The following MIPOL1 variants were observed in gnomAD, a reference collection of about 807,000 sequenced individuals.
The protein encoded by MIPOL1 is mirror-image polydactyly gene 1 protein.
MIPOL1 carries 57 observed loss-of-function variants against 60.9 expected under a neutral mutation model. That is an observed-to-expected ratio of 0.94 (90% CI 0.76 to 1.17). The LOEUF is 1.17. MIPOL1 is among the 50% of genes most tolerant of loss of function. The pLI, the probability that MIPOL1 is intolerant of heterozygous loss-of-function variation, is 0.00. For synonymous variants in MIPOL1, 179 were observed against 168.8 expected (o/e 1.06, Z -0.47); for missense variants, 551 against 511.6 (o/e 1.08, Z -0.74).
intron 9 of MIPOL1, among the ~76,000 whole-genome samples, chr14:37,366,335 G>C (rs1224116151): frequency 1.3e-5 from 2 of 151,716 alleles, no homozygotes; most frequent in Non-Finnish European, 1.5e-5. Context: ...GTATCCTGTA[G>C]TCAATGTTGT....
chr14:37,211,581 C>A (rs1966844677), intron 1 of MIPOL1, among the ~76,000 whole-genome samples: 1 of 152,132 alleles, frequency 6.6e-6, no homozygotes, highest in Non-Finnish European at 1.5e-5. Context: ...GCCTTCAAAC[C>A]TTGCCACTGA....
intron 1 of MIPOL1, chr14:37,219,615 G>A (rs1024276484): frequency 2.0e-5 from 3 of 152,208 alleles, no homozygotes; most frequent in Admixed American, 6.5e-5. Context: ...CAGTCCCCCT[G>A]CGTTGGCCTC....
intron 10 of MIPOL1, among the ~76,000 whole-genome samples, chr14:37,415,252 G>A (rs2093744883): frequency 6.6e-6 from 1 of 151,944 alleles, no homozygotes; most frequent in Non-Finnish European, 1.5e-5. Context: ...TAAACTATAT[G>A]AGTTATGTTT....
intron 11 of MIPOL1, among the ~76,000 whole-genome samples, chr14:37,439,908 G>A (rs1054815776): frequency 1.3e-5 from 2 of 151,960 alleles, no homozygotes; most frequent in African/African-American, 4.8e-5. Flanking sequence ...GCTCAGGCTG[G>A]AGTGCAGTGG....
intron 9 of MIPOL1, among the ~76,000 whole-genome samples, chr14:37,318,643 A>C (rs1470208972): frequency 5.4e-5 from 1 of 18,418 alleles, no homozygotes; most frequent in Non-Finnish European, 2.9e-4. Flanking sequence ...AGCAAAAAGA[A>C]GGAAAAAATT....
At chr14:37,435,496 A>C (rs1401325766) in intron 11 of MIPOL1, among the ~76,000 whole-genome samples, 1 of 151,866 alleles carries the variant, frequency 6.6e-6, no homozygotes, top group Admixed American at 6.6e-5. Context: ...ATACTGTATT[A>C]GTGGATTGTC....
chr14:37,356,837 C>G lies in MIPOL1; in HGVS notation c.829-12680C>G, dbSNP rs1445013114. 3.9e-5 allele frequency among the ~76,000 whole-genome samples: 6 copies of G among 152,328 alleles called. No homozygotes were observed. In the East Asian group the frequency reaches 9.7e-4, roughly 25 times the overall value. ...GTCCCTAGTGAGATGAACCCGGTAC[C>G]TCAGATGGAAATGCAGAAATCACTG... On this transcript the variant is annotated intron_variant, in intron 9 of 12. Coordinates refer to ENST00000684589, the MANE Select transcript of MIPOL1 (RefSeq NM_001388067.1).
intron 12 of MIPOL1, chr14:37,523,458 G>GTTTT: frequency 5.7e-6 from 2 of 353,446 alleles, no homozygotes; most frequent in Non-Finnish European, 5.1e-6. Context: ...AAATATTAGA[G>GTTTT]TTTTTTTTTT....
At chr14:37,338,108 ATT>A (rs61425558) in intron 9 of MIPOL1, among the ~76,000 whole-genome samples, 1 of 134,872 alleles carries the variant, frequency 7.4e-6, no homozygotes, top group Admixed American at 7.7e-5. Flanking sequence ...ATTTAATTTA[ATT>A]TTTTTTTTTT....
rs572714440 is a variant in MIPOL1 at position 37,317,133 on chromosome 14, G to T, written c.828+8614G>T. ...TTTCATTTTAACAGATGTATGCAAAGCATTTGGATAGATACAGATGCTGGC... is the reference window on the plus strand; with the variant it reads ...TTTCATTTTAACAGATGTATGCAAATCATTTGGATAGATACAGATGCTGGC... On this transcript the variant is annotated intron_variant, in intron 9 of 12. Transcript: ENST00000684589. 3.7e-4 allele frequency among the ~76,000 whole-genome samples: 57 copies of T among 152,268 alleles called. No individual in the cohort carries two copies. In the South Asian group the frequency reaches 0.011, roughly 29 times the overall value.
intron 9 of MIPOL1, among the ~76,000 whole-genome samples, chr14:37,334,413 C>T (rs1334102487): frequency 6.6e-6 from 1 of 151,954 alleles, no homozygotes; most frequent in Non-Finnish European, 1.5e-5. Context: ...ACAGTCAAGA[C>T]TGTAGCTTAT....
chr14:37,356,382 G>T (rs1205224102), intron 9 of MIPOL1, among the ~76,000 whole-genome samples: 2 of 152,080 alleles, frequency 1.3e-5, no homozygotes, highest in Non-Finnish European at 2.9e-5. Flanking sequence ...CCTGCCCCCA[G>T]AGGTGAAGCC....
chr14:37,421,773 G>C lies in MIPOL1; in HGVS notation c.937-1082G>C, dbSNP rs142919034. Among the ~76,000 whole-genome samples the C allele has an allele frequency of 1.2e-4, 18 of 150,906 alleles. No homozygotes were observed. The East Asian group carries it at 3.5e-3, about 29-fold the overall frequency. The stretch of plus-strand genomic sequence containing the variant: ...AAATAGAAAAGTAGCATTCTGTAAA[G>C]TTCACTTTTATTACATTGATTAATT... On this transcript the variant is annotated intron_variant, in intron 10 of 12. Transcript: ENST00000684589.
intron 9 of MIPOL1, among the ~76,000 whole-genome samples, chr14:37,326,749 G>A (rs2089200376): frequency 6.6e-6 from 1 of 152,182 alleles, no homozygotes; most frequent in African/African-American, 2.4e-5. Flanking sequence ...AGGAATGTCT[G>A]GGGAAACAGG....
intron 1 of MIPOL1, among the ~76,000 whole-genome samples, chr14:37,245,058 G>A (rs1972973565): frequency 6.6e-6 from 1 of 152,170 alleles, no homozygotes; most frequent in South Asian, 2.1e-4. Context: ...TGAGCTATAG[G>A]ATTCACAGGG....
In MIPOL1 at chr14:37,549,606, A is replaced by T. The variant is rs2095556694; in HGVS notation, c.*2635A>T. ...ATCTCTCTGTAAGAAAAAAATTTCA[A>T]AGTAAAGATTTTACTCTTGCAATTT... On this transcript the variant is annotated 3_prime_UTR_variant, in exon 13 of 13. Transcript: ENST00000684589. 6.6e-6 allele frequency: 1 copy of T among 151,882 alleles called. No homozygotes were observed. The highest frequency in any genetic ancestry group is 6.6e-5 in the Admixed American group (1 of 15,240). The allele number at this position is 151,882 out of a possible 1,614,324, so 9.4% of individuals were successfully genotyped here.
intron 11 of MIPOL1, among the ~76,000 whole-genome samples, chr14:37,477,372 T>G (rs1038206186): frequency 6.6e-6 from 1 of 152,168 alleles, no homozygotes; most frequent in Non-Finnish European, 1.5e-5. Context: ...GGAATGTTAT[T>G]GATTATTTTA....
At chr14:37,278,617 G>A (rs2083857015) in intron 6 of MIPOL1, 1 of 151,498 alleles carries the variant, frequency 6.6e-6, no homozygotes, top group African/African-American at 2.4e-5. Context: ...TTTTAATTTA[G>A]CCTTTTATAT....
chr14:37,398,208 T>G (rs2006062), intron 10 of MIPOL1, among the ~76,000 whole-genome samples: 114,916 of 151,378 alleles, frequency 0.76, 43,975 homozygotes, highest in East Asian at 0.85. Context: ...TCCAGGTAAT[T>G]TCGGAAACTT....
Sources: gnomAD v4.1 joint callset for allele counts (sites outside exome capture counted in the v4.1 genomes callset) on GRCh38, gnomAD v4.1.1 for gene constraint, MANE v1.5 for transcripts, NCBI Gene and HGNC (gene_info 2026-07-23, HGNC 2026-07-21) for gene names.